HDAC9: variants seen among roughly 807,000 people sequenced by gnomAD.
The protein encoded by HDAC9 is MEF-2 interacting transcription repressor (MITR) protein.
A neutral mutation model predicts 139.4 loss-of-function variants in HDAC9; 41 were observed. The ratio of observed to expected loss-of-function variants is 0.29; its 90% CI spans 0.23 to 0.38. The LOEUF (loss-of-function observed/expected upper bound fraction) is 0.38. HDAC9 is among the 10% of genes least tolerant of loss of function. The probability of loss-of-function intolerance (pLI) is 1.00; values close to 1 mark genes in which losing one functional copy is unlikely to be tolerated. For missense variants in HDAC9, 1,147 were observed against 1,297.0 expected, an observed-to-expected ratio of 0.88 and a Z score of 1.78; for synonymous variants, 517 against 476.2, an observed-to-expected ratio of 1.09 and a Z score of -1.12.
intron 1 of HDAC9, among the ~76,000 whole-genome samples, chr7:18,148,623 AT>A (rs553006898): frequency 2.6e-5 from 4 of 151,632 alleles, no homozygotes; most frequent in South Asian, 4.2e-4. Context: ...CGCCCAGCTA[AT>A]TTTTTTTGTA....
chr7:18,192,276 A>G (rs1790403154), intron 2 of HDAC9, among the ~76,000 whole-genome samples: 1 of 152,178 alleles, frequency 6.6e-6, no homozygotes, highest in Admixed American at 6.5e-5. Flanking sequence ...CTTTCATTTA[A>G]TTAAAATTAA....
chr7:18,190,771 G>C (rs1790293735), intron 2 of HDAC9, among the ~76,000 whole-genome samples: 1 of 152,070 alleles, frequency 6.6e-6, no homozygotes, highest in Middle Eastern at 3.4e-3. Context: ...AAAATCACTT[G>C]TATCATCTCA....
chr7:18,201,147 C>T (rs1016742601), intron 2 of HDAC9, among the ~76,000 whole-genome samples: 5 of 152,074 alleles, frequency 3.3e-5, no homozygotes, highest in Non-Finnish European at 2.9e-5. Context: ...CAAGTCTATC[C>T]GGCTGCTGAA....
chr7:18,468,616 T>G (rs1359570857), intron 1 of HDAC9, among the ~76,000 whole-genome samples: 1 of 152,186 alleles, frequency 6.6e-6, no homozygotes, highest in Admixed American at 6.6e-5. Flanking sequence ...GCTTAATTTT[T>G]TAAATGTCTC....
At chr7:18,284,275 T>C (rs919403350) in intron 2 of HDAC9, among the ~76,000 whole-genome samples, 5 of 152,144 alleles carry the variant, frequency 3.3e-5, no homozygotes, top group African/African-American at 9.7e-5. Flanking sequence ...AACACACATA[T>C]GCACACACAT....
In HDAC9 at chr7:18,762,337, G is replaced by A. The variant is rs911201904; in HGVS notation, c.2164+60G>A. 26 of 1,579,836 alleles carry A rather than the reference G, an allele frequency of 1.6e-5. No homozygotes were observed. The African/African-American group carries it at 1.9e-4, about 11-fold the overall frequency. ...CATTCCAGCACTATCATTAGTCAAC[G>A]CTGGTGTCAGTTCAAAATACTTGGC... is the stretch of plus-strand genomic sequence containing the variant. On this transcript the variant is annotated intron_variant, in intron 15 of 25. Coordinates refer to ENST00000686413, the MANE Select transcript of HDAC9 (RefSeq NM_178425.4).
At chr7:18,389,966 C>G (rs980804693) in intron 1 of HDAC9, among the ~76,000 whole-genome samples, 1 of 151,398 alleles carries the variant, frequency 6.6e-6, no homozygotes. Context: ...AACATGTTCT[C>G]CATACGCATC....
At chr7:18,635,728 G>C (rs1178863606) in intron 8 of HDAC9, among the ~76,000 whole-genome samples, 1 of 151,988 alleles carries the variant, frequency 6.6e-6, no homozygotes, top group African/African-American at 2.4e-5. Flanking sequence ...ATATTTTATA[G>C]AGTCATGGTA....
chr7:18,934,959 A>G (rs1563068873), intron 22 of HDAC9, among the ~76,000 whole-genome samples: 1 of 152,210 alleles, frequency 6.6e-6, no homozygotes, highest in Non-Finnish European at 1.5e-5. Flanking sequence ...ATAATGGCCT[A>G]CTAGACAGCA....
chr7:18,544,259 T>A lies in HDAC9; in HGVS notation c.23-41022T>A, dbSNP rs2128630017. ...GAAGGTAGAGTTGATAAAGATCTCA[T>A]AGGTTTGGTATAGGTTAAAGAAAGC... On this transcript the variant is annotated intron_variant, in intron 2 of 25. Transcript: ENST00000686413. Among the ~76,000 whole-genome samples, 5 of 152,310 alleles carry A rather than the reference T, an allele frequency of 3.3e-5. No individual in the cohort carries two copies. In the Middle Eastern group the frequency reaches 0.014, roughly 414 times the overall value.
chr7:18,281,857 A>G (rs769844647), intron 2 of HDAC9, among the ~76,000 whole-genome samples: 37 of 152,318 alleles, frequency 2.4e-4, no homozygotes, highest in Middle Eastern at 3.4e-3. Flanking sequence ...TAAATAATGT[A>G]CCCTGACTGA....
In HDAC9 at chr7:18,648,468, G is replaced by A. The variant is rs1204414627; in HGVS notation, c.1252G>A (p.Gly418Arg). Residue 418 changes from glycine (G) to arginine (R), a missense_variant and splice_region_variant, in exon 11 of 26, where the codon GGA becomes AGA. Gly to Arg is a moderately radical substitution (Grantham distance 125, BLOSUM62 -2). Transcript: ENST00000686413. ...TATACATGTATTTTTTTTTTCAGGTGGAGTTCCCTTACATCCTCAGTCTCC... is the reference window on the plus strand; with the variant it reads ...TATACATGTATTTTTTTTTTCAGGTAGAGTTCCCTTACATCCTCAGTCTCC... Reference protein sequence around the residue: ...MRQQKLLVAGGVPLHPQSPLA... With the variant: ...MRQQKLLVAGRVPLHPQSPLA... 2 of 1,605,100 alleles carry A rather than the reference G, an allele frequency of 1.2e-6. No homozygotes were observed. Among genetic ancestry groups the A allele is most frequent in the Non-Finnish European group, 1.7e-6 (2 of 1,175,962 alleles).
chr7:18,694,883 A>G (rs1353459027), intron 12 of HDAC9, among the ~76,000 whole-genome samples: 1 of 152,208 alleles, frequency 6.6e-6, no homozygotes, highest in Non-Finnish European at 1.5e-5. Context: ...TATTAATAAA[A>G]GAAAATGTGT....
chr7:18,827,392 A>G (rs181571126), intron 17 of HDAC9, among the ~76,000 whole-genome samples: 1 of 152,194 alleles, frequency 6.6e-6, no homozygotes, highest in East Asian at 1.9e-4. Flanking sequence ...GAAGATAAGT[A>G]TTTTTTTAAG....
rs531824849 is a variant in HDAC9 at position 18,175,152 on chromosome 7, C to T, written c.25+12803C>T. ...TGAGCACTTTGTTTATCTACTCAAG[C>T]GTCAGCAGTGGCGGACACCCCTCCC... On this transcript the variant is annotated intron_variant, in intron 2 of 12. Transcript: ENST00000417496. 8.5e-5 allele frequency among the ~76,000 whole-genome samples: 13 copies of T among 152,328 alleles called. No homozygotes were observed. The South Asian group carries it at 2.1e-3, about 24-fold the overall frequency.
intron 1 of HDAC9, among the ~76,000 whole-genome samples, chr7:18,144,565 C>T (rs963600383): frequency 6.6e-6 from 1 of 152,172 alleles, no homozygotes; most frequent in Non-Finnish European, 1.5e-5. Context: ...CCTAGTCATA[C>T]CCTCCTCTGC....
chr7:18,706,160 C>CTTTTTTTTTTT (rs1165670432), intron 12 of HDAC9, among the ~76,000 whole-genome samples: 30 of 86,762 alleles, frequency 3.5e-4, no homozygotes, highest in Non-Finnish European at 4.5e-4. Context: ...GAAAGTTTTC[C>CTTTTTTTTTTT]TTTTTTTTTT....
At chr7:18,767,061 A>T in intron 15 of HDAC9, 45 bp from the exon 16 acceptor site, 1 of 916,164 alleles carries the variant, frequency 1.1e-6, no homozygotes, top group Non-Finnish European at 1.6e-6. Context: ...TAAAAATTAT[A>T]TAACCTCCAT....
chr7:18,143,981 T>C (rs1786103727), intron 1 of HDAC9, among the ~76,000 whole-genome samples: 1 of 152,140 alleles, frequency 6.6e-6, no homozygotes, highest in Non-Finnish European at 1.5e-5. Flanking sequence ...GTCTTCTCTA[T>C]TGCTGGATCT....
Sources: gnomAD v4.1 joint callset for allele counts (sites outside exome capture counted in the v4.1 genomes callset) on GRCh38, gnomAD v4.1.1 for gene constraint, MANE v1.5 for transcripts, NCBI Gene and HGNC (gene_info 2026-07-23, HGNC 2026-07-21) for gene names.